The following NKAIN3 variants were observed in gnomAD, a reference collection of about 807,000 sequenced individuals.
NKAIN3 encodes the protein sodium/potassium-transporting ATPase subunit beta-1-interacting protein 3.
A neutral mutation model predicts 30.2 loss-of-function variants in NKAIN3; 25 were observed. The ratio of observed to expected loss-of-function variants is 0.83; its 90% CI spans 0.60 to 1.16. NKAIN3 has a LOEUF of 1.16. NKAIN3 is among the 50% of genes most tolerant of loss of function. NKAIN3 has a pLI of 0.00. For synonymous variants in NKAIN3, 91 were observed against 89.6 expected (o/e 1.02, Z -0.09); for missense variants, 225 against 254.1 (o/e 0.89, Z 0.78).
At chr8:62,468,716 G>T (rs1806234531) in intron 1 of NKAIN3, among the ~76,000 whole-genome samples, 1 of 152,076 alleles carries the variant, frequency 6.6e-6, no homozygotes, top group South Asian at 2.1e-4. Context: ...TGCATTATGA[G>T]TGTATGGCCA....
Position 62,968,392 on chromosome 8 carries a change from A to G in NKAIN3, c.*2985A>G, listed in dbSNP as rs1383521279. On this transcript the variant is annotated 3_prime_UTR_variant, in exon 7 of 7. Coordinates refer to ENST00000623646, the MANE Select transcript of NKAIN3 (RefSeq NM_001304533.3). ...AATGCACTCTGCATTGTGCGTATCC[A>G]GTAGGGTTTTCAGCAAAGACATGGT... Among the ~76,000 whole-genome samples, 4 of 152,184 alleles carry G rather than the reference A, an allele frequency of 2.6e-5. No individual in the cohort carries two copies. The highest frequency in any genetic ancestry group is 1.5e-5 in the Non-Finnish European group (1 of 68,032).
chr8:62,528,898 T>A (rs933289993), intron 1 of NKAIN3, among the ~76,000 whole-genome samples: 2 of 152,118 alleles, frequency 1.3e-5, no homozygotes, highest in African/African-American at 2.4e-5. Context: ...TTTATCCCAC[T>A]AAGTGATAGA....
At chr8:62,642,861 AAG>A (rs1224803269) in intron 3 of NKAIN3, among the ~76,000 whole-genome samples, 2 of 152,114 alleles carry the variant, frequency 1.3e-5, no homozygotes, top group African/African-American at 4.8e-5. Context: ...TGTAAACAGA[AAG>A]ACTTGTTAGT....
chr8:62,600,902 G>C (rs1169380449), intron 3 of NKAIN3, among the ~76,000 whole-genome samples: 1 of 151,982 alleles, frequency 6.6e-6, no homozygotes, highest in Non-Finnish European at 1.5e-5. Context: ...ACCTTGAATT[G>C]TTCCTTTGCA....
chr8:62,970,441 T>G lies in NKAIN3; in HGVS notation c.*5034T>G, dbSNP rs188695673. ...TAAATATTGGTATTTGTAGAAAAAT[T>G]TGGTGGCAGGCAAAACTTGAATCAT... is the stretch of plus-strand genomic sequence containing the variant. On this transcript the variant is annotated 3_prime_UTR_variant, in exon 7 of 7. Coordinates refer to ENST00000623646, the MANE Select transcript of NKAIN3 (RefSeq NM_001304533.3). 3.1e-3 allele frequency among the ~76,000 whole-genome samples: 469 copies of G among 152,258 alleles called. 3 individuals are homozygous for G. Among genetic ancestry groups the G allele is most frequent in the African/African-American group, 0.011 (458 of 41,568 alleles).
chr8:62,493,229 A>G (rs751954187), intron 1 of NKAIN3, among the ~76,000 whole-genome samples: 7 of 151,780 alleles, frequency 4.6e-5, no homozygotes, highest in African/African-American at 1.5e-4. Flanking sequence ...TTCAATTTCA[A>G]TCTTCTGCAC....
chr8:62,344,257 T>C (rs1055622019), intron 1 of NKAIN3, among the ~76,000 whole-genome samples: 5 of 152,130 alleles, frequency 3.3e-5, no homozygotes, highest in African/African-American at 9.7e-5. Flanking sequence ...CTATGACTTC[T>C]ATTTAGAATA....
intron 4 of NKAIN3, among the ~76,000 whole-genome samples, chr8:62,915,888 GC>G (rs1822084620): frequency 6.6e-6 from 1 of 151,996 alleles, no homozygotes; most frequent in Non-Finnish European, 1.5e-5. Flanking sequence ...TAATAAATGA[GC>G]AAAAAACCTC....
Position 62,826,939 on chromosome 8 carries a change from G to T in NKAIN3, c.471+79810G>T, listed in dbSNP as rs750082620. Among the ~76,000 whole-genome samples, 16 of 152,120 alleles carry T rather than the reference G, an allele frequency of 1.1e-4. 1 individual carries two copies. The highest frequency in any genetic ancestry group is 1.8e-4 in the Non-Finnish European group (12 of 68,034). ...AAGTCTTTTTCTTTTATCAGAACGGGCTATCAAGGTCTAAGAGTGTGGAAA... is the reference window on the plus strand; with the variant it reads ...AAGTCTTTTTCTTTTATCAGAACGGTCTATCAAGGTCTAAGAGTGTGGAAA... On this transcript the variant is annotated intron_variant, in intron 4 of 6. Transcript: ENST00000623646.
Position 62,412,923 on chromosome 8 carries a change from A to AC in NKAIN3, c.54+163796_54+163797insC, listed in dbSNP as rs1486011454. On this transcript the variant is annotated intron_variant, in intron 1 of 6. Coordinates refer to ENST00000623646, the MANE Select transcript of NKAIN3 (RefSeq NM_001304533.3). ...TGAGACTCCGTCAAAAAAAAAAAAC[A>AC]AAAAAAAAAAAACAGCAAAACATAA... 2.9e-3 allele frequency among the ~76,000 whole-genome samples: 319 copies of AC among 109,746 alleles called. 3 individuals carry two copies. The highest frequency in any genetic ancestry group is 7.8e-3 in the African/African-American group (220 of 28,378). The allele number at this position is 109,746 out of a possible 152,430, so 72.0% of individuals were successfully genotyped here.
At chr8:62,282,642 A>T (rs575854290) in intron 1 of NKAIN3, among the ~76,000 whole-genome samples, 1 of 152,290 alleles carries the variant, frequency 6.6e-6, no homozygotes, top group East Asian at 1.9e-4. Context: ...ACCTGATAAA[A>T]CAGGGAATGA....
intron 1 of NKAIN3, among the ~76,000 whole-genome samples, chr8:62,344,561 TAGTGTATGTAGAAAAGCATACTACAAC>T (rs1340785882): frequency 6.6e-6 from 1 of 152,220 alleles, no homozygotes; most frequent in African/African-American, 2.4e-5. Context: ...CTCACTACAA[TAGTGTATGTAGAAAAGCATACTACAAC>T]AGTGTATGTA....
intron 1 of NKAIN3, among the ~76,000 whole-genome samples, chr8:62,503,012 CCTGG>C (rs1322144173): frequency 6.6e-6 from 1 of 152,164 alleles, no homozygotes; most frequent in Non-Finnish European, 1.5e-5. Context: ...GTGTTGGGAA[CCTGG>C]CTGCACAGCA....
chr8:62,573,178 A>G (rs1810001626), intron 1 of NKAIN3, among the ~76,000 whole-genome samples: 1 of 152,172 alleles, frequency 6.6e-6, no homozygotes, highest in African/African-American at 2.4e-5. Flanking sequence ...AACCTCTCTT[A>G]GATATACTTC....
intron 1 of NKAIN3, among the ~76,000 whole-genome samples, chr8:62,291,241 A>G (rs1246122602): frequency 3.9e-5 from 6 of 151,984 alleles, no homozygotes; most frequent in East Asian, 1.9e-4. Context: ...ATCTCCTTCA[A>G]TTCTGCTCTG....
chr8:62,869,657 A>G (rs1292201137), intron 4 of NKAIN3, among the ~76,000 whole-genome samples: 1 of 152,228 alleles, frequency 6.6e-6, no homozygotes, highest in Non-Finnish European at 1.5e-5. Flanking sequence ...TGCTGGGTCT[A>G]CTTGCACCAG....
chr8:62,310,830 G>C (rs72649369), intron 1 of NKAIN3, among the ~76,000 whole-genome samples: 4,108 of 150,400 alleles, frequency 0.027, 104 homozygotes, highest in Middle Eastern at 0.048. Flanking sequence ...TGCAGATTCT[G>C]CTGAGAGGCT....
chr8:62,580,435 G>T (rs76990179), intron 2 of NKAIN3, among the ~76,000 whole-genome samples: 1 of 152,090 alleles, frequency 6.6e-6, no homozygotes. Context: ...TTGTAAGTTG[G>T]AGTAACATAC....
intron 1 of NKAIN3, among the ~76,000 whole-genome samples, chr8:62,469,147 A>G (rs1806248739): frequency 6.6e-6 from 1 of 152,168 alleles, no homozygotes; most frequent in Admixed American, 6.5e-5. Context: ...ACCCCATTCT[A>G]AAATAGTATC....
Sources: allele counts gnomAD v4.1 joint callset (sites outside exome capture counted in the v4.1 genomes callset), GRCh38; gene constraint gnomAD v4.1.1; transcripts MANE v1.5; gene names NCBI Gene and HGNC (gene_info 2026-07-23, HGNC 2026-07-21).